The following DPYD variants were observed in gnomAD, a reference collection of about 807,000 sequenced individuals.
DPYD encodes the protein dihydropyrimidine dehydrogenase.
DPYD carries 109 observed loss-of-function variants against 116.2 expected under a neutral mutation model. That is an observed-to-expected ratio of 0.94 (90% CI 0.80 to 1.10). The LOEUF (loss-of-function observed/expected upper bound fraction) is 1.10, where lower values mean the gene tolerates loss of function less well. Ranked by LOEUF, DPYD falls within the 50% of genes least tolerant of loss-of-function variation. The pLI is 0.00. For synonymous variants in DPYD, 440 were observed against 432.0 expected (o/e 1.02, Z -0.23); for missense variants, 1,302 against 1,254.5 (o/e 1.04, Z -0.57).
At chr1:97,457,950 G>A (rs1324008159) in intron 13 of DPYD, among the ~76,000 whole-genome samples, 2 of 152,166 alleles carry the variant, frequency 1.3e-5, no homozygotes, top group African/African-American at 4.8e-5. Flanking sequence ...GGATTAGAAC[G>A]TGATTAATCA....
intron 8 of DPYD, among the ~76,000 whole-genome samples, chr1:97,599,940 A>T (rs1655146318): frequency 6.7e-6 from 1 of 148,450 alleles, no homozygotes; most frequent in Admixed American, 6.8e-5. Context: ...CAGCTATTCC[A>T]GAGGCTGAGG....
At chr1:97,598,631 G>A (rs113338187) in intron 8 of DPYD, among the ~76,000 whole-genome samples, 2 of 151,772 alleles carry the variant, frequency 1.3e-5, no homozygotes, top group African/African-American at 2.4e-5. Flanking sequence ...GAGGGAGGGA[G>A]GGAGGAACGA....
chr1:97,604,771 G>A (rs1655479941), intron 8 of DPYD, among the ~76,000 whole-genome samples: 1 of 152,008 alleles, frequency 6.6e-6, no homozygotes, highest in Non-Finnish European at 1.5e-5. Flanking sequence ...GATGCGCTTG[G>A]TCAACAATTC....
chr1:97,152,871 C>G (rs988392792), intron 20 of DPYD, among the ~76,000 whole-genome samples: 3 of 151,972 alleles, frequency 2.0e-5, no homozygotes, highest in Non-Finnish European at 4.4e-5. Flanking sequence ...TATAACTTGT[C>G]TTATTTTTAT....
At position 97,624,372 on chromosome 1, in the gene DPYD, T is replaced by C. The variant is rs891475144; in HGVS notation, c.851-29206A>G. The stretch of plus-strand genomic sequence containing the variant: ...AATGGCCTAGAATATATGAAAATTA[T>C]CCTCAATATCACTAATCACTAGGGA... On this transcript the variant is annotated intron_variant, in intron 8 of 22. Coordinates refer to ENST00000370192, the MANE Select transcript of DPYD (RefSeq NM_000110.4). 6.6e-5 allele frequency among the ~76,000 whole-genome samples: 10 copies of C among 152,140 alleles called. No homozygotes were observed. In the South Asian group the frequency reaches 1.2e-3, roughly 19 times the overall value.
At chr1:97,276,019 AC>A (rs1664909000) in intron 18 of DPYD, among the ~76,000 whole-genome samples, 2 of 152,026 alleles carry the variant, frequency 1.3e-5, no homozygotes, top group African/African-American at 2.4e-5. Flanking sequence ...AGGTTCCACA[AC>A]TTTTTATAAC....
chr1:97,190,850 C>G (rs761448900), intron 20 of DPYD, among the ~76,000 whole-genome samples: 20 of 152,154 alleles, frequency 1.3e-4, no homozygotes, highest in Non-Finnish European at 2.6e-4. Flanking sequence ...TTATTCTAGC[C>G]TGACCTATGA....
Position 97,537,458 on chromosome 1 carries a change from T to A in DPYD, c.1524+12102A>T, listed in dbSNP as rs551584168. On this transcript the variant is annotated intron_variant, in intron 12 of 22. Coordinates refer to ENST00000370192, the MANE Select transcript of DPYD (RefSeq NM_000110.4). ...ATAATTCCTTTAAAATGTCCCCAAA[T>A]CAGAAATTGTTAATAAAATGACAGT... is the stretch of plus-strand genomic sequence containing the variant. 2.6e-5 allele frequency among the ~76,000 whole-genome samples: 4 copies of A among 152,216 alleles called. No homozygotes were observed. In the South Asian group the frequency reaches 8.3e-4, roughly 32 times the overall value.
chr1:97,545,305 T>C (rs1444832105), intron 12 of DPYD, among the ~76,000 whole-genome samples: 1 of 152,190 alleles, frequency 6.6e-6, no homozygotes, highest in Non-Finnish European at 1.5e-5. Flanking sequence ...TATTAATTTA[T>C]ATAAATAAAT....
chr1:97,743,561 A>G (rs777485385), intron 3 of DPYD, among the ~76,000 whole-genome samples: 1 of 152,100 alleles, frequency 6.6e-6, no homozygotes. Context: ...CCATGCCATA[A>G]TAGATATTAC....
At chr1:97,183,089 C>A (rs1423931774) in intron 20 of DPYD, among the ~76,000 whole-genome samples, 1 of 121,004 alleles carries the variant, frequency 8.3e-6, no homozygotes. Flanking sequence ...GGTATCCTGT[C>A]CAAGACATTT....
At chr1:97,647,394 G>T (rs1220631765) in intron 8 of DPYD, among the ~76,000 whole-genome samples, 1 of 151,786 alleles carries the variant, frequency 6.6e-6, no homozygotes, top group South Asian at 2.1e-4. Context: ...AATTCTCTTG[G>T]GTTGAAATAA....
intron 14 of DPYD, among the ~76,000 whole-genome samples, chr1:97,387,757 A>T (rs752854488): frequency 6.1e-4 from 93 of 152,084 alleles, no homozygotes; most frequent in Admixed American, 6.6e-4. Context: ...GGGAATGAGC[A>T]TGGTATGTTC....
intron 14 of DPYD, among the ~76,000 whole-genome samples, chr1:97,398,306 A>G (rs1034488479): frequency 6.6e-6 from 1 of 152,146 alleles, no homozygotes; most frequent in African/African-American, 2.4e-5. Context: ...ATAGTATTGC[A>G]TGGTGTATAT....
chr1:97,354,525 TA>T (rs753830312), intron 16 of DPYD, among the ~76,000 whole-genome samples: 10 of 152,218 alleles, frequency 6.6e-5, no homozygotes, highest in Non-Finnish European at 1.0e-4. Context: ...AAGTAGTATG[TA>T]ATTCTGGACA....
At position 97,124,010 on chromosome 1, in the gene DPYD, G is replaced by T. The variant is rs1652644684; in HGVS notation, c.2623-25378C>A. ...ATCTCTCTGCATTTTAAATCATGAT[G>T]GTTTTTTGCATTTCACTTTTCCATG... On this transcript the variant is annotated intron_variant, in intron 20 of 22. Transcript: ENST00000370192. 1.3e-5 allele frequency among the ~76,000 whole-genome samples: 2 copies of T among 151,990 alleles called. 1 individual carries two copies.
intron 16 of DPYD, among the ~76,000 whole-genome samples, chr1:97,309,090 C>T (rs1490288536): frequency 6.6e-6 from 1 of 151,784 alleles, no homozygotes; most frequent in African/African-American, 2.4e-5. Flanking sequence ...AAAAACCCAG[C>T]TATATTTTAT....
chr1:97,853,286 C>A (rs1216430188), intron 2 of DPYD, among the ~76,000 whole-genome samples: 3 of 152,154 alleles, frequency 2.0e-5, no homozygotes, highest in Non-Finnish European at 2.9e-5. Context: ...ATATTTAAAT[C>A]AATCCTTCAG....
intron 16 of DPYD, among the ~76,000 whole-genome samples, chr1:97,362,115 A>G (rs1034053768): frequency 3.9e-5 from 6 of 152,270 alleles, no homozygotes; most frequent in Admixed American, 2.0e-4. Flanking sequence ...GTCTCAGGAT[A>G]CAAAATCAAT....
Sources: gnomAD v4.1 joint callset for allele counts (sites outside exome capture counted in the v4.1 genomes callset) on GRCh38, gnomAD v4.1.1 for gene constraint, MANE v1.5 for transcripts, NCBI Gene and HGNC (gene_info 2026-07-23, HGNC 2026-07-21) for gene names.